The following TASOR variants were observed in gnomAD, a reference collection of about 807,000 sequenced individuals.
TASOR encodes protein TASOR.
A neutral mutation model predicts 178.6 loss-of-function variants in TASOR; 53 were observed. The observed-to-expected ratio is 0.30, with a 90% CI of 0.24 to 0.37. TASOR has a LOEUF of 0.37. TASOR is among the 10% of genes least tolerant of loss of function. The pLI is 1.00. For synonymous variants in TASOR, 713 were observed against 696.2 expected (o/e 1.02, Z -0.38); for missense variants, 1,815 against 1,971.4 (o/e 0.92, Z 1.50).
intron 11 of TASOR, among the ~76,000 whole-genome samples, chr3:56,660,422 C>T (rs899739029): frequency 2.1e-5 from 3 of 142,938 alleles, no homozygotes; most frequent in East Asian, 4.3e-4. Flanking sequence ...CCCAGGAAGG[C>T]GGAGATTACA....
chr3:56,675,261 G>A (rs1411930318), intron 1 of TASOR, among the ~76,000 whole-genome samples: 2 of 150,600 alleles, frequency 1.3e-5, no homozygotes, highest in South Asian at 2.1e-4. Context: ...TGCAACCTCC[G>A]CGCCTCCCAG....
intron 7 of TASOR, among the ~76,000 whole-genome samples, chr3:56,665,445 C>T (rs528493073): frequency 9.2e-5 from 14 of 152,154 alleles, no homozygotes; most frequent in Non-Finnish European, 1.0e-4. Context: ...CAACCTCCAC[C>T]GCCCAGGTTC....
In TASOR at chr3:56,668,760, G is replaced by A. The variant is rs572533106; in HGVS notation, c.736-202C>T. Among the ~76,000 whole-genome samples, 12 of 152,142 alleles carry A rather than the reference G, an allele frequency of 7.9e-5. 1 individual carries two copies. In the South Asian group the frequency reaches 2.1e-3, roughly 26 times the overall value. ...AGGCCAAGGCAGGCGGATCACCTGA[G>A]GTCAGGAGTTCGAGACCAGCCTGGC... On this transcript the variant is annotated intron_variant, in intron 5 of 23. Coordinates refer to ENST00000683822, the MANE Select transcript of TASOR (RefSeq NM_001365635.2).
intron 5 of TASOR, 112 bp downstream of exon 5, chr3:56,669,588 A>T: frequency 1.6e-6 from 1 of 636,450 alleles, no homozygotes; most frequent in Non-Finnish European, 2.7e-6. Flanking sequence ...TTAAGTACCA[A>T]ACACTAACAA....
intron 14 of TASOR, 91 bp downstream of exon 14, chr3:56,646,431 C>A: frequency 9.6e-7 from 1 of 1,036,974 alleles, no homozygotes; most frequent in Non-Finnish European, 1.4e-6. Flanking sequence ...CTGAATTTGA[C>A]CCTCAGGCTT....
intron 5 of TASOR, 105 bp from the exon 6 acceptor site, chr3:56,668,663 C>G (rs1275851482): frequency 3.4e-6 from 3 of 873,834 alleles, no homozygotes; most frequent in Non-Finnish European, 5.0e-6. Flanking sequence ...CTATCCCAAC[C>G]ATTTTTTCCC....
intron 11 of TASOR, among the ~76,000 whole-genome samples, chr3:56,659,601 A>G (rs924857577): frequency 2.6e-5 from 4 of 152,126 alleles, no homozygotes; most frequent in Admixed American, 6.6e-5. Flanking sequence ...CTCTAATGTA[A>G]TAGTTTCTAC....
chr3:56,647,939 C>T (rs2077269577), intron 13 of TASOR, among the ~76,000 whole-genome samples: 1 of 152,150 alleles, frequency 6.6e-6, no homozygotes, highest in Admixed American at 6.5e-5. Flanking sequence ...TGGCTCATGC[C>T]TCTAATCCCA....
At chr3:56,671,503 G>C in intron 3 of TASOR, 97 bp downstream of exon 3, 1 of 812,318 alleles carries the variant, frequency 1.2e-6, no homozygotes, top group Non-Finnish European at 1.9e-6. Flanking sequence ...TATCAAAAAA[G>C]TCTGTAATTG....
chr3:56,644,530 A>G (rs2077195224), intron 14 of TASOR, among the ~76,000 whole-genome samples: 1 of 152,212 alleles, frequency 6.6e-6, no homozygotes, highest in African/African-American at 2.4e-5. Context: ...CTCTAGGCAG[A>G]GAGAGATGAC....
chr3:56,657,897 C>T (rs2078627), intron 11 of TASOR, among the ~76,000 whole-genome samples: 4,077 of 152,252 alleles, frequency 0.027, 99 homozygotes, highest in African/African-American at 0.062. Context: ...GTATTTGTCC[C>T]CATCTTTTAC....
rs1383648340 is a variant in TASOR at position 56,646,547 on chromosome 3, T to A, written c.2190A>T (p.Leu730Phe). 1.2e-6 allele frequency: 2 copies of A among 1,604,508 alleles called. No individual in the cohort carries two copies. Among genetic ancestry groups the A allele is most frequent in the Admixed American group, 1.7e-5 (1 of 57,638 alleles). Residue 730 changes from leucine to phenylalanine, a missense_variant, in exon 14 of 24, where the codon TTA becomes TTT. This residue lies in a region of TASOR where 655 missense variants were observed against 671.1 expected (regional missense o/e 0.98). Transcript: ENST00000683822. ...NMRKLAKTSNLSENCHLYEES... is the reference protein window; with the variant it reads ...NMRKLAKTSNFSENCHLYEES... ...CTTCATACAGATGGCAATTTTCAGA[T>A]AAATTACTGGTTTTGGCGAGCTTTC...
chr3:56,659,051 G>C (rs1018169518), intron 11 of TASOR, among the ~76,000 whole-genome samples: 64 of 152,148 alleles, frequency 4.2e-4, no homozygotes, highest in African/African-American at 1.5e-3. Context: ...AGACTCGCAA[G>C]GGTTTTATAA....
intron 7 of TASOR, among the ~76,000 whole-genome samples, chr3:56,665,382 G>A (rs965813479): frequency 3.9e-5 from 6 of 152,018 alleles, no homozygotes; most frequent in East Asian, 2.0e-4. Context: ...TACAGACGAA[G>A]TCTTGCTCTG....
intron 7 of TASOR, among the ~76,000 whole-genome samples, chr3:56,665,700 G>T (rs188474151): frequency 6.6e-6 from 1 of 151,922 alleles, no homozygotes; most frequent in African/African-American, 2.4e-5. Flanking sequence ...GGCCAGGTGC[G>T]GTGGCTGACG....
At chr3:56,632,915 G>A in intron 18 of TASOR, 129 bp downstream of exon 18, 1 of 750,996 alleles carries the variant, frequency 1.3e-6, no homozygotes, top group Non-Finnish European at 2.0e-6. Context: ...GGGATTACAG[G>A]TATTAGCCAC....
At chr3:56,671,789 A>G (rs2030765035) in intron 2 of TASOR, 97 bp from the exon 3 acceptor site, 10 of 851,290 alleles carry the variant, frequency 1.2e-5, no homozygotes, top group Admixed American at 2.7e-5. Context: ...CACACCTACC[A>G]AAATGGAAAA....
At chr3:56,658,893 G>A (rs551395300) in intron 11 of TASOR, among the ~76,000 whole-genome samples, 3 of 102,530 alleles carry the variant, frequency 2.9e-5, no homozygotes, top group African/African-American at 1.5e-4. Context: ...CAGCCTGGGC[G>A]AGAGAGTCTG....
chr3:56,629,997 G>A (rs929965346), intron 18 of TASOR, among the ~76,000 whole-genome samples: 8 of 146,016 alleles, frequency 5.5e-5, no homozygotes, highest in African/African-American at 7.7e-5. Context: ...ATGGAGTCTC[G>A]CTCTGTCACC....
Sources: allele counts gnomAD v4.1 joint callset (sites outside exome capture counted in the v4.1 genomes callset), GRCh38; gene constraint gnomAD v4.1.1; regional missense constraint gnomAD v4.1.1; transcripts MANE v1.5; gene names NCBI Gene and HGNC (gene_info 2026-07-23, HGNC 2026-07-21).